The following HHLA2 variants were observed in gnomAD, a reference collection of about 807,000 sequenced individuals.
HHLA2 encodes the protein HERV-H LTR-associating protein 2.
A neutral mutation model predicts 45.9 loss-of-function variants in HHLA2; 48 were observed. That is an observed-to-expected ratio of 1.05 (90% CI 0.83 to 1.33). HHLA2 has a LOEUF of 1.33. HHLA2 is among the 40% of genes most tolerant of loss of function. The probability of loss-of-function intolerance (pLI) is 0.00; values close to 1 mark genes in which losing one functional copy is unlikely to be tolerated. For missense variants in HHLA2, 462 were observed against 494.3 expected, an observed-to-expected ratio of 0.93 and a Z score of 0.62; for synonymous variants, 161 against 173.9, an observed-to-expected ratio of 0.93 and a Z score of 0.59.
intron 3 of HHLA2, among the ~76,000 whole-genome samples, chr3:108,331,145 TG>T (rs2081379757): frequency 6.6e-6 from 1 of 152,196 alleles, no homozygotes; most frequent in Non-Finnish European, 1.5e-5. Flanking sequence ...TCTAGAACAT[TG>T]TTCTCAAAAT....
chr3:108,332,829 T>C (rs530215858), intron 3 of HHLA2, among the ~76,000 whole-genome samples: 14 of 152,158 alleles, frequency 9.2e-5, no homozygotes, highest in Non-Finnish European at 1.9e-4. Flanking sequence ...CTGGTTTATG[T>C]AGCCCTTCCT....
At chr3:108,374,377 T>C (rs1576189313) in intron 8 of HHLA2, among the ~76,000 whole-genome samples, 1 of 151,584 alleles carries the variant, frequency 6.6e-6, no homozygotes, top group African/African-American at 2.4e-5. Context: ...GTAAAAACCC[T>C]AGAAGAAAAC....
intron 1 of HHLA2, among the ~76,000 whole-genome samples, chr3:108,305,478 C>G (rs1399318636): frequency 6.6e-6 from 1 of 152,184 alleles, no homozygotes; most frequent in East Asian, 1.9e-4. Context: ...CAGATCTAGT[C>G]GTTCCTGTTG....
chr3:108,371,762 AC>A (rs1207459792), intron 8 of HHLA2, among the ~76,000 whole-genome samples: 1 of 152,250 alleles, frequency 6.6e-6, no homozygotes, highest in African/African-American at 2.4e-5. Flanking sequence ...GATCAACTCA[AC>A]AAGAAGAGCT....
intron 3 of HHLA2, among the ~76,000 whole-genome samples, chr3:108,339,521 G>T (rs1207459742): frequency 6.6e-6 from 1 of 151,856 alleles, no homozygotes; most frequent in Non-Finnish European, 1.5e-5. Flanking sequence ...ATTGTGCCTA[G>T]AATTATGGTG....
chr3:108,306,715 A>C (rs1047355569), intron 1 of HHLA2, among the ~76,000 whole-genome samples: 2 of 151,976 alleles, frequency 1.3e-5, no homozygotes, highest in African/African-American at 4.8e-5. Context: ...AACATACTAC[A>C]TTTTCTCACT....
At chr3:108,347,722 G>A (rs1416257499) in intron 3 of HHLA2, among the ~76,000 whole-genome samples, 1 of 152,144 alleles carries the variant, frequency 6.6e-6, no homozygotes, top group Non-Finnish European at 1.5e-5. Context: ...TTTGGAGCAG[G>A]ATGGTAATGG....
chr3:108,339,985 T>C (rs1437581679), intron 3 of HHLA2, among the ~76,000 whole-genome samples: 2 of 152,150 alleles, frequency 1.3e-5, no homozygotes, highest in African/African-American at 4.8e-5. Context: ...TGGCAACAGA[T>C]GTGGCCCCAA....
chr3:108,370,329 G>C (rs958219703), intron 8 of HHLA2, among the ~76,000 whole-genome samples: 1 of 152,074 alleles, frequency 6.6e-6, no homozygotes, highest in African/African-American at 2.4e-5. Context: ...CCATCTGTAC[G>C]TCACCATCAT....
chr3:108,314,879 C>T (rs2081077272), intron 2 of HHLA2, among the ~76,000 whole-genome samples: 1 of 152,218 alleles, frequency 6.6e-6, no homozygotes, highest in Admixed American at 6.5e-5. Flanking sequence ...CCTGCTGAAA[C>T]ACCCACTGGG....
intron 2 of HHLA2, among the ~76,000 whole-genome samples, chr3:108,324,810 T>G (rs1427482836): frequency 6.6e-6 from 1 of 152,170 alleles, no homozygotes; most frequent in Non-Finnish European, 1.5e-5. Context: ...TCTAAATTTT[T>G]CCTTCTTTCT....
chr3:108,325,844 C>A, intron 2 of HHLA2: 1 of 372,784 alleles, frequency 2.7e-6, no homozygotes, highest in Non-Finnish European at 5.2e-6. Flanking sequence ...TCCACGACCA[C>A]CACTCACATC....
chr3:108,296,690 T>C (rs1025207021), intron 1 of HHLA2, 91 bp downstream of exon 1: 2 of 152,240 alleles, frequency 1.3e-5, no homozygotes, highest in African/African-American at 4.8e-5. Flanking sequence ...GACACTTTAT[T>C]TTCCCGTTAG....
intron 3 of HHLA2, among the ~76,000 whole-genome samples, chr3:108,340,908 T>TCCTTCCTTCC (rs1553754397): frequency 1.7e-5 from 1 of 59,450 alleles, no homozygotes; most frequent in East Asian, 3.4e-4. Flanking sequence ...TTTTTTTTTT[T>TCCTTCCTTCC]TTCCTTCCTT....
At position 108,350,479 on chromosome 3, in the gene HHLA2, T is replaced by C. The variant is rs9840275; in HGVS notation, c.-26-1309T>C. 4.3e-3 allele frequency among the ~76,000 whole-genome samples: 650 copies of C among 152,316 alleles called. 2 individuals carry two copies. The highest frequency in any genetic ancestry group is 0.015 in the African/African-American group (624 of 41,580). On this transcript the variant is annotated intron_variant, in intron 3 of 10. Coordinates refer to ENST00000619531, the Ensembl canonical transcript of HHLA2. ...CAGGTTTTATTTTGATAAGATGTGA[T>C]GAAGGAATCTAATTTTACTTTTTTA... is the stretch of plus-strand genomic sequence containing the variant.
intron 3 of HHLA2, 66 bp from the exon 3 acceptor site, chr3:108,351,722 C>T: frequency 1.1e-6 from 1 of 906,516 alleles, no homozygotes; most frequent in Non-Finnish European, 1.8e-6. Flanking sequence ...ATGAATGTAC[C>T]ACTCTTTTCC....
intron 3 of HHLA2, among the ~76,000 whole-genome samples, chr3:108,349,950 G>A (rs2081746819): frequency 6.6e-6 from 1 of 152,146 alleles, no homozygotes; most frequent in Non-Finnish European, 1.5e-5. Context: ...ATGTTTCAGG[G>A]TTACGTTAAA....
rs184021952 is a variant in HHLA2 at position 108,350,509 on chromosome 3, A to T, written c.-26-1279A>T. On this transcript the variant is annotated intron_variant, in intron 3 of 10. Coordinates refer to ENST00000619531, the Ensembl canonical transcript of HHLA2. The stretch of plus-strand genomic sequence containing the variant: ...GAATCTAATTTTACTTTTTTAAAAA[A>T]ATTGTTATTTTAACAGGAGTTACAT... 2.0e-5 allele frequency among the ~76,000 whole-genome samples: 3 copies of T among 152,276 alleles called. No individual in the cohort carries two copies. In the East Asian group the frequency reaches 5.8e-4, roughly 29 times the overall value.
At chr3:108,365,564 T>G (rs2082050032) in intron 8 of HHLA2, among the ~76,000 whole-genome samples, 1 of 152,248 alleles carries the variant, frequency 6.6e-6, no homozygotes, top group African/African-American at 2.4e-5. Flanking sequence ...AGAATAGCAT[T>G]GAATCTATAA....
Sources: allele counts gnomAD v4.1 joint callset (sites outside exome capture counted in the v4.1 genomes callset), GRCh38; gene constraint gnomAD v4.1.1; transcripts MANE v1.5; gene names NCBI Gene and HGNC (gene_info 2026-07-23, HGNC 2026-07-21).